Variants in TRA2A observed in about 807,000 individuals in gnomAD.
TRA2A encodes the protein transformer-2 protein homolog alpha.
A neutral mutation model predicts 45.7 loss-of-function variants in TRA2A; 31 were observed. That is an observed-to-expected ratio of 0.68 (90% CI 0.51 to 0.92). The LOEUF (loss-of-function observed/expected upper bound fraction) is 0.92. Among genes scored for constraint, TRA2A ranks in the 40% least tolerant of loss-of-function variants. TRA2A has a pLI of 0.00. For missense variants in TRA2A, 304 were observed against 367.5 expected (o/e 0.83, Z 1.41); for synonymous variants, 132 against 126.2 (o/e 1.05, Z -0.31).
chr7:23,531,864 C>T lies in TRA2A; in HGVS notation c.-40G>A, dbSNP rs1404137522. The T allele has an allele frequency of 4.3e-6, 7 of 1,612,102 alleles. No individual in the cohort carries two copies. The highest frequency in any genetic ancestry group is 5.9e-6 in the Non-Finnish European group (7 of 1,179,464). The stretch of plus-strand genomic sequence containing the variant: ...CCCCAGAACTAAATAAGAGACAAGT[C>T]TCGGCTCGAGGGCCGATGGCCTAAT... On this transcript the variant is annotated 5_prime_UTR_variant, in exon 1 of 8. Coordinates refer to ENST00000297071, the MANE Select transcript of TRA2A (RefSeq NM_013293.5).
chr7:23,526,617 C>T (rs914827935), intron 1 of TRA2A, among the ~76,000 whole-genome samples: 3 of 152,194 alleles, frequency 2.0e-5, no homozygotes, highest in Non-Finnish European at 4.4e-5. Flanking sequence ...CTGCTTCCTT[C>T]CCCTTGAGTA....
At chr7:23,529,834 C>T (rs1334447579) in intron 1 of TRA2A, among the ~76,000 whole-genome samples, 1 of 146,160 alleles carries the variant, frequency 6.8e-6, no homozygotes, top group African/African-American at 2.6e-5. Flanking sequence ...TATACTTTAG[C>T]TTAAAAGTGG....
Position 23,531,958 on chromosome 7 carries a change from C to G in TRA2A, c.-134G>C. Reference sequence around the variant, plus strand: ...CCACAGCCGCTCCACTCCACTCCCACTCGGTCGCAGGCTCCAGCAAAATGG... The same window carrying G: ...CCACAGCCGCTCCACTCCACTCCCAGTCGGTCGCAGGCTCCAGCAAAATGG... On this transcript the variant is annotated 5_prime_UTR_variant, in exon 1 of 8. Coordinates refer to ENST00000297071, the MANE Select transcript of TRA2A (RefSeq NM_013293.5). The G allele has an allele frequency of 1.0e-6, 1 of 952,500 alleles. No homozygotes were observed. Among genetic ancestry groups the G allele is most frequent in the Non-Finnish European group, 1.6e-6 (1 of 627,498 alleles). 59.0% of individuals were successfully genotyped at this position (952,500 alleles called of 1,614,324 possible). A position where few individuals can be genotyped will look rare whatever the true frequency, so the allele number is the denominator to read the frequency against.
intron 5 of TRA2A, 196 bp downstream of exon 5, chr7:23,507,224 C>T (rs1266384158): frequency 2.6e-5 from 14 of 538,642 alleles, no homozygotes; most frequent in East Asian, 5.8e-5. Context: ...CCTCAGCTCC[C>T]GAGCAGCTGG....
At chr7:23,512,064 A>C (rs1022400081) in intron 4 of TRA2A, among the ~76,000 whole-genome samples, 1 of 152,216 alleles carries the variant, frequency 6.6e-6, no homozygotes, top group African/African-American at 2.4e-5. Context: ...TTTTCCATTA[A>C]TTTAAACACA....
chr7:23,505,164 T>TA lies in TRA2A; in HGVS notation c.*394dup, dbSNP rs908839267. On this transcript the variant is annotated 3_prime_UTR_variant, in exon 8 of 8. Transcript: ENST00000297071. ...TGTGTTACTTTCCCAAAAATAAAGTTAAAAAAAAAAAGGAACTCATGATAA... is the reference window on the plus strand; with the variant it reads ...TGTGTTACTTTCCCAAAAATAAAGTTAAAAAAAAAAAAGGAACTCATGATAA... 7.9e-3 allele frequency: 1,257 copies of TA among 159,708 alleles called. No homozygotes were observed. Among genetic ancestry groups the TA allele is most frequent in the Middle Eastern group, 0.018 (7 of 392 alleles). The allele number at this position is 159,708 out of a possible 1,614,324, so 9.9% of individuals were successfully genotyped here.
At chr7:23,518,126 A>G (rs1789970886) in intron 2 of TRA2A, among the ~76,000 whole-genome samples, 1 of 151,770 alleles carries the variant, frequency 6.6e-6, no homozygotes, top group African/African-American at 2.4e-5. Flanking sequence ...TTCTGTAGTG[A>G]CAGGGTTTCG....
chr7:23,511,022 T>C (rs561935659), intron 4 of TRA2A, among the ~76,000 whole-genome samples: 10 of 152,234 alleles, frequency 6.6e-5, no homozygotes, highest in African/African-American at 9.6e-5. Flanking sequence ...TATGGTTATT[T>C]AGCAGTGTTC....
In TRA2A at chr7:23,516,544, A is replaced by C; in HGVS notation, c.171-16T>G. On this transcript the variant is annotated splice_polypyrimidine_tract_variant and intron_variant, in intron 2 of 7. Coordinates refer to ENST00000297071, the MANE Select transcript of TRA2A (RefSeq NM_013293.5). ...TGACCTCGACCTTTGAGAGAAATAC[A>C]TTTAGGTAAAAATACTGAAACAAAA... The C allele has an allele frequency of 1.2e-6, 2 of 1,613,076 alleles. No individual in the cohort carries two copies. Among genetic ancestry groups the C allele is most frequent in the Non-Finnish European group, 1.7e-6 (2 of 1,179,170 alleles).
chr7:23,517,503 A>AAAAAAAAAAAAAAAAAAAAAAAAAAAAG (rs764849438), intron 2 of TRA2A, among the ~76,000 whole-genome samples: 5 of 116,254 alleles, frequency 4.3e-5, no homozygotes, highest in East Asian at 3.3e-4. Context: ...AAAAAAAAAA[A>AAAAAAAAAAAAAAAAAAAAAAAAAAAAG]AGAGAGAAAG....
At chr7:23,516,620 T>C (rs564398641) in intron 2 of TRA2A, 92 bp from the exon 3 acceptor site, 179 of 1,132,418 alleles carry the variant, frequency 1.6e-4, no homozygotes, top group Admixed American at 1.4e-3. Flanking sequence ...TCCCTAACTA[T>C]TCTCAGGTCC....
rs569426681 is a variant in TRA2A at position 23,505,646 on chromosome 7, A to T, written c.839-77T>A. 7.3e-5 allele frequency: 53 copies of T among 727,548 alleles called. No homozygotes were observed. The African/African-American group carries it at 8.6e-4, about 12-fold the overall frequency. 45.1% of individuals were successfully genotyped at this position (727,548 alleles called of 1,614,324 possible). ...AGTTTAATTTGCCTCATATTTTTCCAACTATTAACTGCCACCTTCCACCTT... is the reference window on the plus strand; with the variant it reads ...AGTTTAATTTGCCTCATATTTTTCCTACTATTAACTGCCACCTTCCACCTT... On this transcript the variant is annotated intron_variant, in intron 7 of 7. Coordinates refer to ENST00000297071, the MANE Select transcript of TRA2A (RefSeq NM_013293.5).
At chr7:23,510,772 A>G (rs1277526827) in intron 4 of TRA2A, among the ~76,000 whole-genome samples, 2 of 152,194 alleles carry the variant, frequency 1.3e-5, no homozygotes, top group East Asian at 3.8e-4. Flanking sequence ...CAGATATCCT[A>G]GTATTTCTAA....
intron 1 of TRA2A, among the ~76,000 whole-genome samples, chr7:23,528,411 T>C (rs1790428414): frequency 6.6e-6 from 1 of 152,086 alleles, no homozygotes. Flanking sequence ...TTTCACCATA[T>C]TGGCCAGGAT....
chr7:23,516,135 G>A (rs1490268459), intron 3 of TRA2A, among the ~76,000 whole-genome samples: 3 of 151,972 alleles, frequency 2.0e-5, no homozygotes, highest in Non-Finnish European at 4.4e-5. Flanking sequence ...GTAAGACTTT[G>A]TCTAAAAAAA....
intron 1 of TRA2A, 184 bp downstream of exon 1, chr7:23,531,605 T>C (rs949291965): frequency 3.1e-6 from 2 of 636,706 alleles, no homozygotes; most frequent in East Asian, 5.6e-5. Flanking sequence ...GGAGGGGTGT[T>C]ATCCGTGGTG....
chr7:23,525,518 C>T lies in TRA2A; in HGVS notation c.37-3678G>A, dbSNP rs1489417355. Among the ~76,000 whole-genome samples, 4 of 152,190 alleles carry T rather than the reference C, an allele frequency of 2.6e-5. No individual in the cohort carries two copies. The East Asian group carries it at 7.7e-4, about 29-fold the overall frequency. ...ATTTTAACAAAAGTCTTAAATAGGC[C>T]TCCAGTCTATCTTATAGGCTATAAA... On this transcript the variant is annotated intron_variant, in intron 1 of 7. Coordinates refer to ENST00000297071, the MANE Select transcript of TRA2A (RefSeq NM_013293.5).
chr7:23,531,920 A>G lies in TRA2A; in HGVS notation c.-96T>C, dbSNP rs1016797302. The G allele has an allele frequency of 2.9e-5, 42 of 1,423,804 alleles. No individual in the cohort carries two copies. The highest frequency in any genetic ancestry group is 4.0e-5 in the Non-Finnish European group (41 of 1,022,086). 88.2% of individuals were successfully genotyped at this position (1,423,804 alleles called of 1,614,324 possible). A position where few individuals can be genotyped will look rare whatever the true frequency, so the allele number is the denominator to read the frequency against. On this transcript the variant is annotated 5_prime_UTR_variant, in exon 1 of 8. Transcript: ENST00000297071. Reference sequence around the variant, plus strand: ...CGCTGACTGGACCGTGGGGAAGAGGAAAGAGTCGGCAACCACAGCCGCTCC... The same window carrying G: ...CGCTGACTGGACCGTGGGGAAGAGGGAAGAGTCGGCAACCACAGCCGCTCC...
At chr7:23,528,371 C>G (rs1282641529) in intron 1 of TRA2A, among the ~76,000 whole-genome samples, 1 of 152,054 alleles carries the variant, frequency 6.6e-6, no homozygotes, top group African/African-American at 2.4e-5. Context: ...CCACGCCCAG[C>G]TAATTTTTGT....
Sources: gnomAD v4.1 joint callset for allele counts (sites outside exome capture counted in the v4.1 genomes callset) on GRCh38, gnomAD v4.1.1 for gene constraint, MANE v1.5 for transcripts, NCBI Gene and HGNC (gene_info 2026-07-23, HGNC 2026-07-21) for gene names.